The following MYZAP variants were observed in gnomAD, a reference collection of about 807,000 sequenced individuals.
MYZAP encodes the protein GRINL1A complex locus upstream.
MYZAP carries 66 observed loss-of-function variants against 69.4 expected under a neutral mutation model. The ratio of observed to expected loss-of-function variants is 0.95; its 90% CI spans 0.78 to 1.17. The LOEUF is 1.17. MYZAP is among the 50% of genes most tolerant of loss of function. The probability of loss-of-function intolerance (pLI) is 0.00; values close to 1 mark genes in which losing one functional copy is unlikely to be tolerated. For missense variants in MYZAP, 611 were observed against 556.2 expected, an observed-to-expected ratio of 1.10 and a Z score of -0.99; for synonymous variants, 256 against 205.9, an observed-to-expected ratio of 1.24 and a Z score of -2.09.
At chr15:57,610,284 G>C (rs724785) in intron 2 of MYZAP, among the ~76,000 whole-genome samples, 9,233 of 152,238 alleles carry the variant, frequency 0.061, 742 homozygotes, top group African/African-American at 0.18. Context: ...ATGTTGAAAA[G>C]GAGGAAGTCC....
chr15:57,673,260 A>C (rs1392893994), intron 11 of MYZAP, among the ~76,000 whole-genome samples: 1 of 152,140 alleles, frequency 6.6e-6, no homozygotes, highest in Non-Finnish European at 1.5e-5. Context: ...TAGGTATTAG[A>C]CCCAGCATGC....
At chr15:57,653,666 AC>A (rs555019815) in intron 10 of MYZAP, among the ~76,000 whole-genome samples, 58 of 152,134 alleles carry the variant, frequency 3.8e-4, no homozygotes, top group African/African-American at 1.2e-3. Flanking sequence ...TGAGGGGAAA[AC>A]TTTTATAGGT....
chr15:57,608,785 A>G (rs9796502), intron 2 of MYZAP, among the ~76,000 whole-genome samples: 14,644 of 152,226 alleles, frequency 0.096, 850 homozygotes, highest in Admixed American at 0.14. Context: ...TTCTGGAGTT[A>G]TTCTCCTGCC....
At chr15:57,647,154 T>C in intron 10 of MYZAP, 2 of 985,420 alleles carry the variant, frequency 2.0e-6, no homozygotes, top group Non-Finnish European at 2.4e-6. Flanking sequence ...CTTGCTAATA[T>C]TTGCCTTTGC....
intron 11 of MYZAP, among the ~76,000 whole-genome samples, chr15:57,668,894 A>ATATATATATATATATTTT (rs1252525814): frequency 1.6e-4 from 10 of 62,604 alleles, no homozygotes; most frequent in African/African-American, 3.6e-4. Context: ...ATATATATAT[A>ATATATATATATATATTTT]TTTTTTTTTT....
chr15:57,658,688 G>A (rs149917847), intron 10 of MYZAP, among the ~76,000 whole-genome samples: 25 of 152,282 alleles, frequency 1.6e-4, no homozygotes, highest in African/African-American at 5.3e-4. Flanking sequence ...GTGTTTCATC[G>A]TGTATCACTT....
At chr15:57,604,200 CA>C (rs1281917009) in intron 1 of MYZAP, 68 bp from the exon 2 acceptor site, 56 of 1,544,328 alleles carry the variant, frequency 3.6e-5, no homozygotes, top group Non-Finnish European at 4.7e-5. Context: ...GTGAGAAGCC[CA>C]AGGTCATCTG....
chr15:57,621,059 A>T (rs2035774895), intron 3 of MYZAP, among the ~76,000 whole-genome samples: 1 of 147,954 alleles, frequency 6.8e-6, no homozygotes, highest in Non-Finnish European at 1.5e-5. Flanking sequence ...TATGTATATA[A>T]AATATATACA....
chr15:57,648,157 C>T, intron 10 of MYZAP: 1 of 983,512 alleles, frequency 1.0e-6, no homozygotes, highest in Non-Finnish European at 1.2e-6. Flanking sequence ...TCTAAAATGT[C>T]AATTTTTAGA....
intron 4 of MYZAP, 93 bp downstream of exon 4, chr15:57,621,793 T>G: frequency 9.3e-7 from 1 of 1,073,442 alleles, no homozygotes; most frequent in Non-Finnish European, 1.3e-6. Flanking sequence ...TTAGAGTATC[T>G]AGTGTTCTTT....
At position 57,639,508 on chromosome 15, in the gene MYZAP, A is replaced by G. The variant is rs773307122; in HGVS notation, c.1082A>G (p.His361Arg). 2 of 1,614,048 alleles carry G rather than the reference A, an allele frequency of 1.2e-6. No individual in the cohort carries two copies. The highest frequency in any genetic ancestry group is 1.7e-5 in the Admixed American group (1 of 60,012). The change falls in exon 10 of 13, where the codon CAT becomes CGT. Residue 361 changes from histidine to arginine, a missense_variant. His to Arg is a conservative substitution (Grantham distance 29). Transcript: ENST00000267853. ...ERIRHLDDMV[H>R]CQQKKVKQMV... Reference sequence around the variant, plus strand: ...ATCAGACACCTAGATGACATGGTGCATTGCCAGCAGAAGAAAGTCAAGCAG... The same window carrying G: ...ATCAGACACCTAGATGACATGGTGCGTTGCCAGCAGAAGAAAGTCAAGCAG...
chr15:57,604,242 C>G (rs2140334450), intron 1 of MYZAP, 27 bp from the exon 2 acceptor site: 1 of 1,612,394 alleles, frequency 6.2e-7, no homozygotes, highest in Non-Finnish European at 8.5e-7. Context: ...TGACTCCTAA[C>G]TGGCCTCTCC....
intron 3 of MYZAP, among the ~76,000 whole-genome samples, chr15:57,620,646 G>A (rs1346581364): frequency 4.6e-5 from 7 of 152,216 alleles, no homozygotes; most frequent in South Asian, 4.1e-4. Context: ...ACTGCCTTGC[G>A]TGTTATTGGT....
chr15:57,599,163 T>G (rs2034250913), intron 1 of MYZAP, among the ~76,000 whole-genome samples: 1 of 152,212 alleles, frequency 6.6e-6, no homozygotes, highest in African/African-American at 2.4e-5. Flanking sequence ...CACTGAAGAC[T>G]AAGTGGCTTT....
chr15:57,665,107 T>G (rs2038501190), intron 11 of MYZAP, among the ~76,000 whole-genome samples: 1 of 152,214 alleles, frequency 6.6e-6, no homozygotes, highest in Non-Finnish European at 1.5e-5. Flanking sequence ...ATCCTCAAAG[T>G]TGGAGACTAT....
At chr15:57,674,922 G>A (rs1288452459) in intron 11 of MYZAP, 46 bp from the exon 12 acceptor site, 5 of 1,520,844 alleles carry the variant, frequency 3.3e-6, no homozygotes, top group African/African-American at 2.8e-5. Context: ...TATTTGAGGG[G>A]GAACATATTT....
At chr15:57,671,610 A>G (rs139170283) in intron 11 of MYZAP, among the ~76,000 whole-genome samples, 1 of 152,190 alleles carries the variant, frequency 6.6e-6, no homozygotes, top group Non-Finnish European at 1.5e-5. Context: ...TGGATAATTT[A>G]TATTAATGTA....
At chr15:57,613,407 G>A (rs2035236259) in intron 2 of MYZAP, among the ~76,000 whole-genome samples, 1 of 151,938 alleles carries the variant, frequency 6.6e-6, no homozygotes, top group African/African-American at 2.4e-5. Flanking sequence ...GTCTTTCTCT[G>A]TCGCCCAGGC....
intron 11 of MYZAP, among the ~76,000 whole-genome samples, chr15:57,666,513 G>A (rs947526661): frequency 4.6e-5 from 7 of 152,088 alleles, no homozygotes; most frequent in Non-Finnish European, 1.0e-4. Flanking sequence ...AAATCCAAAT[G>A]ACACAGCAGA....
Sources: allele counts gnomAD v4.1 joint callset (sites outside exome capture counted in the v4.1 genomes callset), GRCh38; gene constraint gnomAD v4.1.1; transcripts MANE v1.5; gene names NCBI Gene and HGNC (gene_info 2026-07-23, HGNC 2026-07-21).